Variants in MTREX observed in about 807,000 individuals in gnomAD.
MTREX encodes the protein Mtr4 exosome RNA helicase.
Under a neutral mutation model 135.4 loss-of-function variants are expected in MTREX, and 76 were observed. The ratio of observed to expected loss-of-function variants is 0.56; its 90% confidence interval spans 0.47 to 0.68. The LOEUF (loss-of-function observed/expected upper bound fraction) is 0.68. Among genes scored for constraint, MTREX ranks in the 30% least tolerant of loss-of-function variants. MTREX has a pLI of 0.00. For missense variants in MTREX, 920 were observed against 1,262.1 expected (o/e 0.73, Z 4.11); for synonymous variants, 404 against 401.6 (o/e 1.01, Z -0.07).
At chr5:55,400,044 T>C (rs970516513) in intron 20 of MTREX, among the ~76,000 whole-genome samples, 189 bp from the exon 21 acceptor site, 2 of 152,160 alleles carry the variant, frequency 1.3e-5, no homozygotes, top group African/African-American at 4.8e-5. Flanking sequence ...TAGTATAGCG[T>C]TGAAAAAGAG....
intron 15 of MTREX, among the ~76,000 whole-genome samples, chr5:55,359,276 A>T (rs1749970849): frequency 6.6e-6 from 1 of 152,208 alleles, no homozygotes; most frequent in African/African-American, 2.4e-5. Context: ...CTCAAGGAAG[A>T]TTGGCCTGGT....
chr5:55,401,480 A>C (rs2111593489), intron 21 of MTREX, among the ~76,000 whole-genome samples: 1 of 152,234 alleles, frequency 6.6e-6, no homozygotes, highest in Non-Finnish European at 1.5e-5. Context: ...TTTTGTATGG[A>C]TGTTTTGAGT....
At chr5:55,388,684 A>C (rs574882609) in intron 19 of MTREX, among the ~76,000 whole-genome samples, 1 of 152,304 alleles carries the variant, frequency 6.6e-6, no homozygotes, top group South Asian at 2.1e-4. Flanking sequence ...TATTAAATAC[A>C]TTTTTGACCT....
chr5:55,394,440 A>G (rs1750616289), intron 19 of MTREX, among the ~76,000 whole-genome samples: 2 of 152,208 alleles, frequency 1.3e-5, no homozygotes, highest in Admixed American at 6.5e-5. Context: ...TGTGGAAGAT[A>G]GTTTTTCCAT....
intron 16 of MTREX, among the ~76,000 whole-genome samples, chr5:55,370,794 T>A (rs1168153757): frequency 6.6e-6 from 1 of 152,088 alleles, no homozygotes; most frequent in Non-Finnish European, 1.5e-5. Flanking sequence ...CTTGCAGGAG[T>A]ATACTTCTTT....
intron 21 of MTREX, among the ~76,000 whole-genome samples, chr5:55,402,311 C>T (rs2111594912): frequency 6.6e-6 from 1 of 152,306 alleles, no homozygotes; most frequent in Middle Eastern, 3.4e-3. Flanking sequence ...ACACAGATAT[C>T]CAGTTGTGAT....
At chr5:55,406,179 A>G (rs569938515) in intron 22 of MTREX, among the ~76,000 whole-genome samples, 1 of 152,216 alleles carries the variant, frequency 6.6e-6, no homozygotes, top group Non-Finnish European at 1.5e-5. Context: ...TCAAAACTAA[A>G]TTATTTACAA....
intron 1 of MTREX, among the ~76,000 whole-genome samples, chr5:55,317,387 C>T (rs760573321): frequency 6.6e-6 from 1 of 152,144 alleles, no homozygotes; most frequent in Non-Finnish European, 1.5e-5. Context: ...AACTATACTA[C>T]AAGGCTACAG....
At chr5:55,338,080 T>C (rs182427094) in intron 5 of MTREX, among the ~76,000 whole-genome samples, 1 of 152,298 alleles carries the variant, frequency 6.6e-6, no homozygotes, top group Admixed American at 6.5e-5. Flanking sequence ...TAATACAGTA[T>C]AATCATTGCT....
intron 5 of MTREX, chr5:55,329,372 CAAACTT>C (rs1749433282): frequency 6.6e-6 from 1 of 151,624 alleles, no homozygotes; most frequent in Non-Finnish European, 1.5e-5. Flanking sequence ...CACAGAGTCT[CAAACTT>C]AAATAGGCTG....
At chr5:55,342,292 G>T (rs999550645) in intron 7 of MTREX, among the ~76,000 whole-genome samples, 1 of 152,144 alleles carries the variant, frequency 6.6e-6, no homozygotes, top group Non-Finnish European at 1.5e-5. Context: ...AACTTTTGCT[G>T]GGTGAGAAAT....
chr5:55,415,423 A>C (rs959080815), intron 24 of MTREX, among the ~76,000 whole-genome samples: 8 of 152,182 alleles, frequency 5.3e-5, no homozygotes, highest in Non-Finnish European at 7.3e-5. Flanking sequence ...GTTCAGTGGA[A>C]CATGTAACAT....
intron 18 of MTREX, among the ~76,000 whole-genome samples, chr5:55,382,333 G>GTA (rs1750408896): frequency 6.6e-6 from 1 of 151,870 alleles, no homozygotes; most frequent in Non-Finnish European, 1.5e-5. Flanking sequence ...ATGTGTACAT[G>GTA]TATATATATG....
At chr5:55,419,209 G>T (rs955531431) in intron 25 of MTREX, among the ~76,000 whole-genome samples, 1 of 152,178 alleles carries the variant, frequency 6.6e-6, no homozygotes, top group South Asian at 2.1e-4. Flanking sequence ...CAGTGTGTCT[G>T]TTTTTACAGG....
intron 6 of MTREX, 87 bp downstream of exon 6, chr5:55,340,271 T>C: frequency 1.9e-6 from 2 of 1,066,634 alleles, no homozygotes; most frequent in Non-Finnish European, 2.6e-6. Flanking sequence ...TTTTATTGGT[T>C]GCTCTACTTA....
chr5:55,349,253 C>T (rs926337215), intron 11 of MTREX, among the ~76,000 whole-genome samples: 1 of 148,696 alleles, frequency 6.7e-6, no homozygotes, highest in South Asian at 2.1e-4. Flanking sequence ...GTGGTGCGAT[C>T]ATGGCTCACT....
chr5:55,402,830 GTGTGTGTGTGTATGTGTATGTA>G lies in MTREX; in HGVS notation c.2481+2421_2481+2442del, dbSNP rs557650567. On this transcript the variant is annotated intron_variant, in intron 21 of 26. Transcript: ENST00000230640. ...AAATATAAGCACATTATATGTGTGT[GTGTGTGTGTGTATGTGTATGTA>G]TGTGTGTGTGTGTGTGTGTGTATAT... is the stretch of plus-strand genomic sequence containing the variant. Among the ~76,000 whole-genome samples the G allele has an allele frequency of 3.5e-3, 340 of 96,416 alleles. 1 individual carries two copies. Among genetic ancestry groups the G allele is most frequent in the African/African-American group, 0.012 (315 of 25,426 alleles). The allele number at this position is 96,416 out of a possible 152,430, so 63.3% of individuals were successfully genotyped here.
chr5:55,336,598 G>T (rs1749556675), intron 5 of MTREX, among the ~76,000 whole-genome samples: 1 of 152,106 alleles, frequency 6.6e-6, no homozygotes, highest in Non-Finnish European at 1.5e-5. Flanking sequence ...ATGATCATTT[G>T]TGTATGTTAC....
intron 18 of MTREX, among the ~76,000 whole-genome samples, chr5:55,387,106 G>C (rs1199522247): frequency 6.6e-6 from 1 of 152,062 alleles, no homozygotes; most frequent in African/African-American, 2.4e-5. Context: ...AATGTATGAT[G>C]AGAAAAAGTT....
Sources: allele counts gnomAD v4.1 joint callset (sites outside exome capture counted in the v4.1 genomes callset), GRCh38; gene constraint gnomAD v4.1.1; transcripts MANE v1.5; gene names NCBI Gene and HGNC (gene_info 2026-07-23, HGNC 2026-07-21).